Variants in AKT2 observed in about 807,000 individuals in gnomAD.
AKT2 encodes AKT serine/threonine kinase 2.
AKT2 carries 16 observed loss-of-function variants against 58.6 expected under a neutral mutation model. The observed-to-expected ratio is 0.27, with a 90% CI of 0.18 to 0.41. The LOEUF (loss-of-function observed/expected upper bound fraction) is 0.41, where lower values mean the gene tolerates loss of function less well. AKT2 is among the 10% of genes least tolerant of loss of function. The pLI is 1.00. For synonymous variants in AKT2, 253 were observed against 254.0 expected, an observed-to-expected ratio of 1.00 and a Z score of 0.04; for missense variants, 438 against 661.0, an observed-to-expected ratio of 0.66 and a Z score of 3.70.
intron 4 of AKT2, among the ~76,000 whole-genome samples, chr19:40,245,436 A>G (rs1974683722): frequency 6.6e-6 from 1 of 152,222 alleles, no homozygotes; most frequent in Non-Finnish European, 1.5e-5. Flanking sequence ...CCTAAGTTAG[A>G]AAATAATGAA....
rs1973902472 is a variant in AKT2 at position 40,234,713 on chromosome 19, G to T, written c.1366+332C>A. On this transcript the variant is annotated intron_variant, in intron 13 of 13. Coordinates refer to ENST00000392038, the MANE Select transcript of AKT2 (RefSeq NM_001626.6). The surrounding 1 kb of genome is among the most constrained non-coding windows in gnomAD (Gnocchi z 4.7). ...GCCCAGGGCTGGCTCAATCAGTGCT[G>T]TGTCCCCAGCATAGCCCAGCCCTGG... is the stretch of plus-strand genomic sequence containing the variant. 8.3e-6 allele frequency: 5 copies of T among 599,184 alleles called. No individual in the cohort carries two copies. Among genetic ancestry groups the T allele is most frequent in the Non-Finnish European group, 1.5e-5 (5 of 337,314 alleles). 37.1% of individuals were successfully genotyped at this position (599,184 alleles called of 1,614,324 possible).
At chr19:40,266,853 T>A (rs1976395324) in intron 1 of AKT2, among the ~76,000 whole-genome samples, 1 of 152,202 alleles carries the variant, frequency 6.6e-6, no homozygotes, top group African/African-American at 2.4e-5. Context: ...ACCTGTAATG[T>A]CAGCTATTCG....
In AKT2 at chr19:40,237,972, G is replaced by A. The variant is rs375743087; in HGVS notation, c.828C>T (p.Ile276=). The change falls in exon 9 of 14, where the codon ATC becomes ATT. Residue 276 remains isoleucine (I), a synonymous_variant. Coordinates refer to ENST00000392038, the MANE Select transcript of AKT2 (RefSeq NM_001626.6). The surrounding 1 kb of genome is among the most constrained non-coding windows in gnomAD (Gnocchi z 4.5). ...TGGCGCACACCCTGCCACTAACCTT[G>A]ATGTCGCGGTATACCACGTCCCGCG... The part of the protein sequence containing the change: ...LHSRDVVYRD[I]KLENLMLDKD... 80 of 1,613,682 alleles carry A rather than the reference G, an allele frequency of 5.0e-5. No individual in the cohort carries two copies. Among genetic ancestry groups the A allele is most frequent in the Non-Finnish European group, 6.5e-5 (77 of 1,179,920 alleles).
chr19:40,230,326 A>G lies in AKT2; in HGVS notation c.*3546T>C. ...AAAAGCACCAGCACAGTACAGATGGATAGCTAGTTTATTACAGGACTGCTG... is the reference window on the plus strand; with the variant it reads ...AAAAGCACCAGCACAGTACAGATGGGTAGCTAGTTTATTACAGGACTGCTG... On this transcript the variant is annotated 3_prime_UTR_variant, in exon 14 of 14. Transcript: ENST00000392038. The G allele has an allele frequency of 4.7e-6, 1 of 210,852 alleles. No individual in the cohort carries two copies. 13.1% of individuals were successfully genotyped at this position (210,852 alleles called of 1,614,324 possible).
chr19:40,265,541 A>T, intron 1 of AKT2, 190 bp from the exon 2 acceptor site: 1 of 736,306 alleles, frequency 1.4e-6, no homozygotes, highest in South Asian at 1.9e-5. Context: ...GTCCCCAGCG[A>T]CCCCAATCTG....
rs1263882304 is a variant in AKT2, at chr19:40,271,177, CA to C, written c.-84-5827del. On this transcript the variant is annotated intron_variant, in intron 1 of 13. Transcript: ENST00000392038. ...CAACATGGTGAAACCCTGTGTCTGC[CA>C]AAAAAAAAAAAAACATACGTACATA... is the stretch of plus-strand genomic sequence containing the variant. Among the ~76,000 whole-genome samples, 194 of 82,748 alleles carry C rather than the reference CA, an allele frequency of 2.3e-3. 2 individuals carry two copies. Among genetic ancestry groups the C allele is most frequent in the South Asian group, 2.5e-3 (7 of 2,764 alleles). The allele number at this position is 82,748 out of a possible 152,430, so 54.3% of individuals were successfully genotyped here.
Position 40,254,828 on chromosome 19 carries a change from C to A in AKT2, c.287+330G>T, listed in dbSNP as rs572724388. 5.9e-5 allele frequency among the ~76,000 whole-genome samples: 9 copies of A among 151,346 alleles called. 1 individual carries two copies. In the South Asian group the frequency reaches 1.9e-3, roughly 31 times the overall value. On this transcript the variant is annotated intron_variant, in intron 4 of 13. Transcript: ENST00000392038. ...TCCAACTTGGGCAATAAGAGCGAAA[C>A]TCCATTTCAGAAAAAAAAAAAAGAA...
At chr19:40,241,722 C>A (rs1401054423) in intron 6 of AKT2, 9 of 687,752 alleles carry the variant, frequency 1.3e-5, no homozygotes, top group East Asian at 3.0e-5. Flanking sequence ...TCCACAGGCA[C>A]CCCCAGCCCC....
intron 2 of AKT2, among the ~76,000 whole-genome samples, chr19:40,262,436 C>T (rs533454392): frequency 5.9e-5 from 9 of 152,324 alleles, no homozygotes; most frequent in South Asian, 2.1e-4. Context: ...GCCTCTAAAC[C>T]GGCAGATGGA....
At chr19:40,239,463 C>T (rs1974247101) in intron 7 of AKT2, 1 of 283,398 alleles carries the variant, frequency 3.5e-6, no homozygotes, top group Non-Finnish European at 6.9e-6. Flanking sequence ...CATGACAACT[C>T]AACTATTCTG....
At chr19:40,274,781 G>A (rs2077279754) in intron 1 of AKT2, 1 of 330,290 alleles carries the variant, frequency 3.0e-6, no homozygotes, top group Admixed American at 3.8e-5. Context: ...GGGAGGGCCG[G>A]GAGATGTAGC....
At chr19:40,271,251 A>G in intron 1 of AKT2, among the ~76,000 whole-genome samples, 1 of 147,330 alleles carries the variant, frequency 6.8e-6, no homozygotes, top group Non-Finnish European at 1.5e-5. Flanking sequence ...GTATATATAC[A>G]CGTATATATA....
At position 40,235,394 on chromosome 19, in the gene AKT2, G is replaced by C; in HGVS notation, c.1176-44C>G. ...CAGCACCTGCCTCCCGGAGCAGCTG[G>C]GTTCGGGCAGACGGGCTTTCGGAGC... On this transcript the variant is annotated intron_variant, in intron 11 of 13. Transcript: ENST00000392038. This position sits in a 1 kb window ranked among gnomAD's most constrained non-coding sequence, Gnocchi z 6.3. 3 of 1,598,618 alleles carry C rather than the reference G, an allele frequency of 1.9e-6. No homozygotes were observed. Among genetic ancestry groups the C allele is most frequent in the South Asian group, 2.2e-5 (2 of 90,818 alleles).
At chr19:40,258,275 A>C (rs892456056) in intron 2 of AKT2, among the ~76,000 whole-genome samples, 1 of 151,364 alleles carries the variant, frequency 6.6e-6, no homozygotes, top group Non-Finnish European at 1.5e-5. Context: ...AAAAAAAAAA[A>C]CCTGAGTATG....
intron 2 of AKT2, among the ~76,000 whole-genome samples, chr19:40,260,628 CAAAAAAAAAAAA>C (rs34124347): frequency 0.2 from 4,994 of 25,018 alleles, 169 homozygotes; most frequent in Non-Finnish European, 0.23. Context: ...GATTCCATCT[CAAAAAAAAAAAA>C]AAAAAAAAAA....
chr19:40,258,185 C>T (rs1033053727), intron 2 of AKT2, among the ~76,000 whole-genome samples: 1 of 137,776 alleles, frequency 7.3e-6, no homozygotes, highest in African/African-American at 2.8e-5. Context: ...CAGAGGTTGC[C>T]GTGAGCCGAG....
At chr19:40,273,298 A>G (rs80230248) in intron 1 of AKT2, among the ~76,000 whole-genome samples, 18,099 of 150,720 alleles carry the variant, frequency 0.12, 1,569 homozygotes, top group African/African-American at 0.24. Flanking sequence ...CAGAGATTGC[A>G]CCACTGCACT....
At chr19:40,248,256 A>G (rs1974886108) in intron 4 of AKT2, among the ~76,000 whole-genome samples, 1 of 152,206 alleles carries the variant, frequency 6.6e-6, no homozygotes. Flanking sequence ...TAAAGTGCTG[A>G]GAGCGGTGCC....
At chr19:40,251,752 A>C (rs1184746720) in intron 4 of AKT2, among the ~76,000 whole-genome samples, 1 of 152,238 alleles carries the variant, frequency 6.6e-6, no homozygotes, top group East Asian at 1.9e-4. Context: ...AGAAGTTACT[A>C]GTAAACAAAG....
Sources: gnomAD v4.1 joint callset for allele counts (sites outside exome capture counted in the v4.1 genomes callset) on GRCh38, gnomAD v4.1.1 for gene constraint, Gnocchi (gnomAD v3.1) non-coding constraint, MANE v1.5 for transcripts, NCBI Gene and HGNC (gene_info 2026-07-23, HGNC 2026-07-21) for gene names.